Variants in THSD7B observed in about 807,000 individuals in gnomAD.
THSD7B encodes thrombospondin type-1 domain-containing protein 7B.
Under a neutral mutation model 213.6 loss-of-function variants are expected in THSD7B, and 138 were observed. The observed-to-expected ratio is 0.65, with a 90% CI of 0.56 to 0.74. The LOEUF is 0.74. THSD7B is among the 30% of genes least tolerant of loss of function. THSD7B has a pLI of 0.00. For missense variants in THSD7B, 1,931 were observed against 1,991.5 expected, an observed-to-expected ratio of 0.97 and a Z score of 0.58; for synonymous variants, 742 against 687.0, an observed-to-expected ratio of 1.08 and a Z score of -1.25.
chr2:137,041,854 A>G (rs2104862596), intron 2 of THSD7B, among the ~76,000 whole-genome samples: 1 of 152,308 alleles, frequency 6.6e-6, no homozygotes, highest in Admixed American at 6.5e-5. Context: ...ACATCATGTC[A>G]TATCCTGAAG....
At chr2:136,838,625 C>T (rs1030525591) in intron 1 of THSD7B, among the ~76,000 whole-genome samples, 1 of 152,022 alleles carries the variant, frequency 6.6e-6, no homozygotes, top group Non-Finnish European at 1.5e-5. Context: ...CTCTGCCTTC[C>T]CCATCCTCCC....
At chr2:137,064,525 G>C (rs1022917288) in intron 3 of THSD7B, among the ~76,000 whole-genome samples, 1 of 151,786 alleles carries the variant, frequency 6.6e-6, no homozygotes, top group Non-Finnish European at 1.5e-5. Flanking sequence ...GATATAATTT[G>C]TCCATCTTCT....
intron 7 of THSD7B, among the ~76,000 whole-genome samples, chr2:137,188,667 T>C (rs1198990870): frequency 6.6e-6 from 1 of 152,170 alleles, no homozygotes; most frequent in Non-Finnish European, 1.5e-5. Context: ...ACTGACACTT[T>C]GTGGAATTGT....
At chr2:137,481,368 A>G (rs1439438301) in intron 15 of THSD7B, among the ~76,000 whole-genome samples, 1 of 152,180 alleles carries the variant, frequency 6.6e-6, no homozygotes, top group African/African-American at 2.4e-5. Context: ...TATATCTATG[A>G]CAGTTGTAAA....
intron 2 of THSD7B, among the ~76,000 whole-genome samples, chr2:136,891,321 C>T (rs1481660643): frequency 1.3e-5 from 2 of 152,102 alleles, no homozygotes; most frequent in African/African-American, 4.8e-5. Flanking sequence ...TTATTAAAAG[C>T]GAGGCACTAA....
chr2:136,813,783 A>G (rs1234846886), intron 1 of THSD7B, among the ~76,000 whole-genome samples: 1 of 152,082 alleles, frequency 6.6e-6, no homozygotes, highest in Non-Finnish European at 1.5e-5. Flanking sequence ...TGATCAAGTT[A>G]TTTCTCTGCT....
intron 12 of THSD7B, among the ~76,000 whole-genome samples, chr2:137,314,362 T>C (rs1684022612): frequency 1.3e-5 from 2 of 152,222 alleles, no homozygotes; most frequent in Non-Finnish European, 2.9e-5. Flanking sequence ...CTCCGTCAGC[T>C]CCTTTAAGCA....
At chr2:137,452,602 C>A (rs1687674654) in intron 15 of THSD7B, among the ~76,000 whole-genome samples, 1 of 152,028 alleles carries the variant, frequency 6.6e-6, no homozygotes, top group Non-Finnish European at 1.5e-5. Flanking sequence ...AAAGCTAAGC[C>A]TTTATAACAC....
At chr2:137,485,798 C>T (rs1054072408) in intron 15 of THSD7B, among the ~76,000 whole-genome samples, 10 of 152,160 alleles carry the variant, frequency 6.6e-5, no homozygotes, top group Non-Finnish European at 1.0e-4. Flanking sequence ...GCGGATCTCT[C>T]AGCAGAAACT....
rs1437383360 is a variant in THSD7B, at chr2:136,978,770, A to AT, written c.140-77647dup. Among the ~76,000 whole-genome samples the AT allele has an allele frequency of 2.0e-5, 3 of 152,052 alleles. No homozygotes were observed. The East Asian group carries it at 5.8e-4, about 29-fold the overall frequency. ...CCATTCTTTGTCTTTTGATTGGGGC[A>AT]TTTAGCTCACTTACTTTTAAGGGTA... On this transcript the variant is annotated intron_variant, in intron 2 of 27. Transcript: ENST00000409968.
At chr2:137,295,808 T>C (rs1683449046) in intron 12 of THSD7B, among the ~76,000 whole-genome samples, 2 of 152,064 alleles carry the variant, frequency 1.3e-5, no homozygotes, top group Non-Finnish European at 2.9e-5. Context: ...TTTCCCTGCT[T>C]ATTTGTTTTT....
intron 15 of THSD7B, among the ~76,000 whole-genome samples, chr2:137,549,622 G>A (rs1396949205): frequency 6.6e-6 from 1 of 151,940 alleles, no homozygotes; most frequent in African/African-American, 2.4e-5. Context: ...TCATACTGTA[G>A]GTCTCCAGAA....
chr2:137,336,137 C>T (rs879645426), intron 12 of THSD7B, among the ~76,000 whole-genome samples: 3 of 152,166 alleles, frequency 2.0e-5, no homozygotes, highest in Middle Eastern at 3.4e-3. Flanking sequence ...GTCAGAGAAA[C>T]AGTTAATTAT....
At chr2:136,780,960 C>T (rs1245313777) in intron 1 of THSD7B, among the ~76,000 whole-genome samples, 1 of 152,100 alleles carries the variant, frequency 6.6e-6, no homozygotes, top group Non-Finnish European at 1.5e-5. Context: ...CCGATGCCTC[C>T]AATGCCTGTG....
intron 2 of THSD7B, among the ~76,000 whole-genome samples, chr2:136,940,496 A>G (rs1684801832): frequency 1.3e-5 from 2 of 151,304 alleles, no homozygotes; most frequent in South Asian, 2.1e-4. Context: ...TTTTTCCTCA[A>G]TCCTCCCACC....
chr2:137,413,536 T>G (rs1014602923), intron 14 of THSD7B, among the ~76,000 whole-genome samples: 2 of 152,210 alleles, frequency 1.3e-5, no homozygotes, highest in Non-Finnish European at 2.9e-5. Flanking sequence ...AAATCTAAGA[T>G]GTGAAAGGTA....
intron 20 of THSD7B, chr2:137,642,201 T>C (rs529482150): frequency 7.0e-6 from 2 of 287,066 alleles, no homozygotes; most frequent in East Asian, 1.5e-4. Flanking sequence ...ATTGACAGTC[T>C]ACCAATGTTT....
chr2:136,991,241 C>G (rs1685777620), intron 2 of THSD7B, among the ~76,000 whole-genome samples: 1 of 152,122 alleles, frequency 6.6e-6, no homozygotes, highest in African/African-American at 2.4e-5. Flanking sequence ...GCTCAAAGAG[C>G]TCACCATTTA....
intron 2 of THSD7B, among the ~76,000 whole-genome samples, chr2:137,012,562 C>T (rs1686251209): frequency 6.6e-6 from 1 of 151,864 alleles, no homozygotes; most frequent in African/African-American, 2.4e-5. Flanking sequence ...TTTTTTTTGT[C>T]CAAATGCAGC....
Sources: gnomAD v4.1 joint callset for allele counts (sites outside exome capture counted in the v4.1 genomes callset) on GRCh38, gnomAD v4.1.1 for gene constraint, MANE v1.5 for transcripts, NCBI Gene and HGNC (gene_info 2026-07-23, HGNC 2026-07-21) for gene names.